The following CPHXL variants were observed in gnomAD, a reference collection of about 807,000 sequenced individuals.
CPHXL encodes the protein cytoplasmic polyadenylated homeobox like, also known as cytoplasmic polyadenylated homeobox-like protein.
At chr16:75,718,201 GGAGT>G (rs1959421002) in intron 2 of CPHXL, 60 bp downstream of exon 2, 1 of 396,934 alleles carries the variant, frequency 2.5e-6, no homozygotes, top group Non-Finnish European at 4.4e-6. Flanking sequence ...CTGTGTGATA[GGAGT>G]GAGACCTTGT....
At chr16:75,720,733 C>G (rs368606641) in intron 1 of CPHXL, among the ~76,000 whole-genome samples, 2 of 134,980 alleles carry the variant, frequency 1.5e-5, no homozygotes, top group African/African-American at 6.4e-5. Context: ...CCAACATTCA[C>G]ATTCAGGAAA....
intron 1 of CPHXL, among the ~76,000 whole-genome samples, chr16:75,725,947 T>A (rs1370091102): frequency 1.3e-5 from 2 of 151,858 alleles, no homozygotes; most frequent in African/African-American, 2.4e-5. Flanking sequence ...TAGAAAATTA[T>A]AATCGATGAC....
intron 1 of CPHXL, among the ~76,000 whole-genome samples, chr16:75,719,419 T>C (rs898348789): frequency 6.6e-6 from 1 of 152,132 alleles, no homozygotes; most frequent in African/African-American, 2.4e-5. Context: ...ACTGCGCTTT[T>C]CCAATGGTCT....
intron 1 of CPHXL, 137 bp from the exon 2 acceptor site, chr16:75,718,595 AC>A (rs1959428336): frequency 2.5e-6 from 1 of 393,106 alleles, no homozygotes; most frequent in South Asian, 1.4e-4. Context: ...CCTCATAGCT[AC>A]TCACAATAAT....
intron 1 of CPHXL, 86 bp downstream of exon 1, chr16:75,726,332 C>G (rs551565892): frequency 5.5e-5 from 22 of 398,414 alleles, no homozygotes; most frequent in African/African-American, 4.1e-4. Context: ...ATCTGTACCT[C>G]TGTGTTTGTG....
chr16:75,725,654 G>T (rs559893211), intron 1 of CPHXL, among the ~76,000 whole-genome samples: 9 of 149,870 alleles, frequency 6.0e-5, no homozygotes, highest in African/African-American at 2.2e-4. Flanking sequence ...GGGTTTCACC[G>T]TGTTAGCCAG....
At chr16:75,725,528 C>A (rs1959544038) in intron 1 of CPHXL, among the ~76,000 whole-genome samples, 1 of 151,478 alleles carries the variant, frequency 6.6e-6, no homozygotes, top group African/African-American at 2.4e-5. Flanking sequence ...TCTCGGCTCA[C>A]TGCAAGCTCC....
At position 75,714,270 on chromosome 16, in the gene CPHXL, T is replaced by C. The variant is rs1034769834; in HGVS notation, c.1172A>G (p.Gln391Arg). 6 of 398,574 alleles carry C rather than the reference T, an allele frequency of 1.5e-5. No individual in the cohort carries two copies. The highest frequency in any genetic ancestry group is 1.2e-4 in the African/African-American group (6 of 48,642). The allele number at this position is 398,574 out of a possible 1,614,324, so 24.7% of individuals were successfully genotyped here. A position where few individuals can be genotyped will look rare whatever the true frequency, so the allele number is the denominator to read the frequency against. ...SPLLPLGQDM[Q>R]ERASEQPRTQ... ...CCTGGGTTGCTCTGAAGCCCTTTCCTGCATATCTTGCCCCAGAGGCAGAAG... is the reference window on the plus strand; with the variant it reads ...CCTGGGTTGCTCTGAAGCCCTTTCCCGCATATCTTGCCCCAGAGGCAGAAG... Residue 391 changes from glutamine (Q) to arginine (R), a missense_variant, in exon 3 of 3, where the codon CAG becomes CGG. Coordinates refer to ENST00000640559, the MANE Select transcript of CPHXL (RefSeq NM_001355613.1).
rs1195412490 is a variant in CPHXL, at chr16:75,718,478, C to G, written c.26-20G>C. ...GGAAACCTGACAAAAGTATAAGTAG[C>G]GAGAAGGGCATTAGAGAATATTGGT... On this transcript the variant is annotated intron_variant, in intron 1 of 2. Coordinates refer to ENST00000640559, the MANE Select transcript of CPHXL (RefSeq NM_001355613.1). 1.3e-5 allele frequency: 5 copies of G among 398,362 alleles called. No individual in the cohort carries two copies. Among genetic ancestry groups the G allele is most frequent in the Middle Eastern group, 6.3e-4 (1 of 1,586 alleles). The allele number at this position is 398,362 out of a possible 1,614,324, so 24.7% of individuals were successfully genotyped here. A position where few individuals can be genotyped will look rare whatever the true frequency, so the allele number is the denominator to read the frequency against.
At chr16:75,723,143 C>A (rs1403410500) in intron 1 of CPHXL, among the ~76,000 whole-genome samples, 1 of 152,170 alleles carries the variant, frequency 6.6e-6, no homozygotes, top group East Asian at 1.9e-4. Flanking sequence ...CAGCCAATAT[C>A]ATACTGAATG....
chr16:75,716,553 C>A (rs1959395354), intron 2 of CPHXL, among the ~76,000 whole-genome samples: 1 of 152,224 alleles, frequency 6.6e-6, no homozygotes, highest in Non-Finnish European at 1.5e-5. Context: ...GCAGAGCTTT[C>A]CTGCCCTCCC....
At chr16:75,718,075 T>C (rs112242492) in intron 2 of CPHXL, among the ~76,000 whole-genome samples, 190 bp downstream of exon 2, 318 of 151,682 alleles carry the variant, frequency 2.1e-3, no homozygotes, top group African/African-American at 7.3e-3. Context: ...CATAAAAGCC[T>C]GGCGGGGTGG....
At chr16:75,721,397 G>T (rs1462737959) in intron 1 of CPHXL, among the ~76,000 whole-genome samples, 2 of 152,144 alleles carry the variant, frequency 1.3e-5, no homozygotes, top group Non-Finnish European at 2.9e-5. Context: ...AAAATAAAGG[G>T]ATGGAGGAAG....
rs35659823 is a variant in CPHXL at position 75,725,753 on chromosome 16, CTTTTTTTTTTT to C, written c.25+654_25+664del. Reference sequence around the variant, plus strand: ...AGGAGTGAGCCACCGTGCCCGGCGTCTTTTTTTTTTTTTTTTTTTTTTTTTTTTTTAGGCAA... The same window carrying C: ...AGGAGTGAGCCACCGTGCCCGGCGTCTTTTTTTTTTTTTTTTTTTAGGCAA... On this transcript the variant is annotated intron_variant, in intron 1 of 2. Coordinates refer to ENST00000640559, the MANE Select transcript of CPHXL (RefSeq NM_001355613.1). 3.2e-4 allele frequency among the ~76,000 whole-genome samples: 14 copies of C among 43,318 alleles called. No individual in the cohort carries two copies. In the South Asian group the frequency reaches 5.2e-3, roughly 16 times the overall value. The allele number at this position is 43,318 out of a possible 152,430, so 28.4% of individuals were successfully genotyped here.
rs1475197428 is a variant in CPHXL at position 75,718,474 on chromosome 16, G to A, written c.26-16C>T. Reference sequence around the variant, plus strand: ...GCTGGGAAACCTGACAAAAGTATAAGTAGCGAGAAGGGCATTAGAGAATAT... The same window carrying A: ...GCTGGGAAACCTGACAAAAGTATAAATAGCGAGAAGGGCATTAGAGAATAT... On this transcript the variant is annotated splice_polypyrimidine_tract_variant and intron_variant, in intron 1 of 2. Transcript: ENST00000640559. The A allele has an allele frequency of 2.5e-6, 1 of 398,388 alleles. No homozygotes were observed. Among genetic ancestry groups the A allele is most frequent in the African/African-American group, 2.1e-5 (1 of 48,614 alleles). 24.7% of individuals were successfully genotyped at this position (398,388 alleles called of 1,614,324 possible). A position where few individuals can be genotyped will look rare whatever the true frequency, so the allele number is the denominator to read the frequency against.
intron 1 of CPHXL, among the ~76,000 whole-genome samples, chr16:75,721,204 A>G (rs1259159947): frequency 6.6e-6 from 1 of 152,216 alleles, no homozygotes; most frequent in Non-Finnish European, 1.5e-5. Context: ...CTAAGGGGCA[A>G]AATAACCAGC....
At chr16:75,722,672 T>C (rs1339988545) in intron 1 of CPHXL, among the ~76,000 whole-genome samples, 1 of 152,094 alleles carries the variant, frequency 6.6e-6, no homozygotes, top group East Asian at 1.9e-4. Flanking sequence ...CTACCAGAGG[T>C]GCAAGGAAGA....
Position 75,714,638 on chromosome 16 carries a change from T to A in CPHXL, c.804A>T (p.Glu268Asp). ...SVPYFHGERTETKESQHASPF... is the reference protein window; with the variant it reads ...SVPYFHGERTDTKESQHASPF... ...GACTTGCATGCTGGCTTTCCTTGGTTTCAGTCCTTTCTCCATGAAAATATG... is the reference window on the plus strand; with the variant it reads ...GACTTGCATGCTGGCTTTCCTTGGTATCAGTCCTTTCTCCATGAAAATATG... Residue 268 changes from glutamate (E) to aspartate (D), a missense_variant, in exon 3 of 3, where the codon GAA (glutamate) becomes GAT (aspartate). Glu to Asp is a conservative substitution (Grantham distance 45). Transcript: ENST00000640559. The A allele has an allele frequency of 2.5e-6, 1 of 398,650 alleles. No individual in the cohort carries two copies. The highest frequency in any genetic ancestry group is 4.4e-6 in the Non-Finnish European group (1 of 226,090). 24.7% of individuals were successfully genotyped at this position (398,650 alleles called of 1,614,324 possible).
At chr16:75,717,392 G>A (rs1959407780) in intron 2 of CPHXL, among the ~76,000 whole-genome samples, 1 of 152,034 alleles carries the variant, frequency 6.6e-6, no homozygotes, top group Non-Finnish European at 1.5e-5. Flanking sequence ...CTCTCAAACT[G>A]GTTATGGATA....
Sources: allele counts gnomAD v4.1 joint callset (sites outside exome capture counted in the v4.1 genomes callset), GRCh38; gene constraint gnomAD v4.1.1; transcripts MANE v1.5; gene names NCBI Gene and HGNC (gene_info 2026-07-23, HGNC 2026-07-21).